DLEU7: variants seen among roughly 807,000 people sequenced by gnomAD.
The protein encoded by DLEU7 is deleted in lymphocytic leukemia 7.
A neutral mutation model predicts 16.0 loss-of-function variants in DLEU7; 17 were observed. The ratio of observed to expected loss-of-function variants is 1.06; its 90% CI spans 0.73 to 1.59. The LOEUF (loss-of-function observed/expected upper bound fraction) is 1.59, where lower values mean the gene tolerates loss of function less well. Among genes scored for constraint, DLEU7 ranks in the 40% most tolerant of loss-of-function variants. DLEU7 has a pLI of 0.00. For missense variants in DLEU7, 308 were observed against 314.9 expected (o/e 0.98, Z 0.17); for synonymous variants, 113 against 139.8 (o/e 0.81, Z 1.35).
intron 1 of DLEU7, among the ~76,000 whole-genome samples, chr13:50,791,964 T>TA (rs1219713536): frequency 1.3e-5 from 2 of 152,226 alleles, no homozygotes; most frequent in East Asian, 3.8e-4. Flanking sequence ...GCTGAAAACT[T>TA]ACCACTTCAC....
intron 1 of DLEU7, among the ~76,000 whole-genome samples, chr13:50,765,592 A>G (rs1475914218): frequency 1.3e-5 from 2 of 152,206 alleles, no homozygotes; most frequent in Non-Finnish European, 2.9e-5. Context: ...AGGGCAAAGA[A>G]GAGAATAAAA....
chr13:50,730,309 C>T (rs1593531334), intron 1 of DLEU7, among the ~76,000 whole-genome samples: 3 of 151,374 alleles, frequency 2.0e-5, no homozygotes, highest in South Asian at 2.1e-4. Flanking sequence ...AAGGGTCAAC[C>T]ATGTAAGCAG....
At chr13:50,756,099 C>T (rs1278637927) in intron 1 of DLEU7, among the ~76,000 whole-genome samples, 1 of 152,166 alleles carries the variant, frequency 6.6e-6, no homozygotes, top group Non-Finnish European at 1.5e-5. Context: ...GATACCAGCA[C>T]CTGTTCTGGT....
At chr13:50,812,160 AT>A (rs1219109081) in intron 1 of DLEU7, among the ~76,000 whole-genome samples, 1 of 151,528 alleles carries the variant, frequency 6.6e-6, no homozygotes, top group Non-Finnish European at 1.5e-5. Context: ...GATTTACGGT[AT>A]TTTTTTCAGT....
chr13:50,762,250 A>G (rs948171955), intron 1 of DLEU7, among the ~76,000 whole-genome samples: 3 of 151,972 alleles, frequency 2.0e-5, no homozygotes, highest in Non-Finnish European at 4.4e-5. Flanking sequence ...GATTCTCTAA[A>G]AGACTTATAT....
At chr13:50,753,298 C>T (rs1159367265) in intron 1 of DLEU7, among the ~76,000 whole-genome samples, 1 of 152,254 alleles carries the variant, frequency 6.6e-6, no homozygotes, top group Non-Finnish European at 1.5e-5. Flanking sequence ...AGTCCCACGC[C>T]ATGCACCTGC....
chr13:50,803,286 T>C (rs1876297996), intron 1 of DLEU7, among the ~76,000 whole-genome samples: 1 of 152,192 alleles, frequency 6.6e-6, no homozygotes. Flanking sequence ...ATAGAATGTG[T>C]TGATCATTGT....
chr13:50,798,839 C>G (rs1302840568), intron 1 of DLEU7, among the ~76,000 whole-genome samples: 1 of 152,180 alleles, frequency 6.6e-6, no homozygotes, highest in Non-Finnish European at 1.5e-5. Context: ...TATTCTGGAA[C>G]CCTGGTTCCC....
intron 1 of DLEU7, among the ~76,000 whole-genome samples, chr13:50,828,073 G>A (rs1877152145): frequency 6.6e-6 from 1 of 152,126 alleles, no homozygotes; most frequent in Admixed American, 6.5e-5. Flanking sequence ...GTACCTGTAT[G>A]TCCCTAATAT....
Position 50,817,199 on chromosome 13 carries a change from G to A in DLEU7, c.459+25989C>T, listed in dbSNP as rs755769044. On this transcript the variant is annotated intron_variant, in intron 1 of 1. Coordinates refer to the DLEU7 transcript ENST00000400393. Reference sequence around the variant, plus strand: ...AGGGGAACAAATTATTGGTACTTCTGTGCCAGGAAAGATTTCTGCCAACCT... The same window carrying A: ...AGGGGAACAAATTATTGGTACTTCTATGCCAGGAAAGATTTCTGCCAACCT... Among the ~76,000 whole-genome samples, 82 of 152,264 alleles carry A rather than the reference G, an allele frequency of 5.4e-4. 1 individual carries two copies. The highest frequency in any genetic ancestry group is 1.0e-3 in the South Asian group (5 of 4,830).
At chr13:50,793,904 A>G (rs937631018) in intron 1 of DLEU7, among the ~76,000 whole-genome samples, 1 of 152,078 alleles carries the variant, frequency 6.6e-6, no homozygotes, top group African/African-American at 2.4e-5. Context: ...GCCTTTGAGG[A>G]CTTAGTTATA....
intron 1 of DLEU7, among the ~76,000 whole-genome samples, chr13:50,799,982 T>G (rs1876204026): frequency 6.6e-6 from 1 of 152,154 alleles, no homozygotes; most frequent in Non-Finnish European, 1.5e-5. Flanking sequence ...TCTGGGGGTA[T>G]GGAGAAGGGA....
intron 1 of DLEU7, among the ~76,000 whole-genome samples, chr13:50,744,770 G>A (rs1034245827): frequency 6.6e-6 from 1 of 152,154 alleles, no homozygotes; most frequent in East Asian, 1.9e-4. Flanking sequence ...TACTTGAATA[G>A]ACATTTCTCC....
intron 1 of DLEU7, among the ~76,000 whole-genome samples, chr13:50,794,149 C>T (rs751013717): frequency 6.6e-6 from 1 of 152,108 alleles, no homozygotes. Flanking sequence ...TTATTGTTTA[C>T]ACTTTGACTT....
At chr13:50,750,307 T>A (rs1874524927) in intron 1 of DLEU7, among the ~76,000 whole-genome samples, 2 of 152,256 alleles carry the variant, frequency 1.3e-5, no homozygotes, top group Non-Finnish European at 2.9e-5. Flanking sequence ...CCTATTTTTA[T>A]GCCAGTACCA....
At chr13:50,768,737 A>G (rs966073594) in intron 1 of DLEU7, among the ~76,000 whole-genome samples, 1 of 152,216 alleles carries the variant, frequency 6.6e-6, no homozygotes, top group Non-Finnish European at 1.5e-5. Context: ...TAGTGCCGCA[A>G]TAAACATACG....
chr13:50,763,369 C>T (rs142771415), intron 1 of DLEU7, among the ~76,000 whole-genome samples: 1 of 152,256 alleles, frequency 6.6e-6, no homozygotes, highest in Admixed American at 6.5e-5. Context: ...TGGCTGAAGA[C>T]AGGAAGCCCT....
At chr13:50,818,821 G>A (rs1218336735), downstream of DLEU7, among the ~76,000 whole-genome samples, 1 of 152,106 alleles carries the variant, frequency 6.6e-6, no homozygotes, top group South Asian at 2.1e-4. Context: ...CTGTTCCCAT[G>A]GGCACATTGC....
chr13:50,784,833 C>T (rs925921342), intron 1 of DLEU7, among the ~76,000 whole-genome samples: 1 of 152,198 alleles, frequency 6.6e-6, no homozygotes, highest in Non-Finnish European at 1.5e-5. Context: ...TGGAACCTGT[C>T]CTGCAGCTCT....
Sources: allele counts gnomAD v4.1 joint callset (sites outside exome capture counted in the v4.1 genomes callset), GRCh38; gene constraint gnomAD v4.1.1; transcripts MANE v1.5; gene names NCBI Gene and HGNC (gene_info 2026-07-23, HGNC 2026-07-21).